TESMIN: variants seen among roughly 807,000 people sequenced by gnomAD.
TESMIN encodes the protein CXC domain containing 2.
Under a neutral mutation model 47.4 loss-of-function variants are expected in TESMIN, and 34 were observed. The observed-to-expected ratio is 0.72, with a 90% CI of 0.55 to 0.96. The LOEUF (loss-of-function observed/expected upper bound fraction) is 0.96, where lower values mean the gene tolerates loss of function less well. TESMIN is among the 40% of genes least tolerant of loss of function. The pLI is 0.00. For missense variants in TESMIN, 610 were observed against 637.2 expected (o/e 0.96, Z 0.46); for synonymous variants, 278 against 258.9 (o/e 1.07, Z -0.71).
intron 6 of TESMIN, among the ~76,000 whole-genome samples, chr11:68,716,494 C>T (rs991995949): frequency 3.3e-5 from 5 of 152,248 alleles, no homozygotes; most frequent in African/African-American, 1.2e-4. Flanking sequence ...CGGCTGCAGT[C>T]ACACCTCTTG....
chr11:68,750,151 T>TGGA (rs934467927), intron 2 of TESMIN, 39 bp downstream of exon 2: 4 of 1,403,940 alleles, frequency 2.8e-6, no homozygotes, highest in Non-Finnish European at 3.7e-6. Context: ...GGGGAAGGGA[T>TGGA]GGAGGGGGAG....
At position 68,738,690 on chromosome 11, in the gene TESMIN, T is replaced by C. The variant is rs1318054444; in HGVS notation, c.917+10A>G. On this transcript the variant is annotated intron_variant, in intron 6 of 9. Transcript: ENST00000255087. ...CATTAGAGTGACAATGTATTGCTTC[T>C]AATCCTTACCCAGCCAAAGTTATTT... 3 of 1,613,838 alleles carry C rather than the reference T, an allele frequency of 1.9e-6. No homozygotes were observed. In the South Asian group the frequency reaches 3.3e-5, roughly 18 times the overall value.
At chr11:68,710,450 T>C (rs181256547) in intron 9 of TESMIN, 1 of 162,496 alleles carries the variant, frequency 6.2e-6, no homozygotes, top group East Asian at 1.8e-4. Flanking sequence ...AGGAAAACAA[T>C]CTGGACCAAG....
chr11:68,709,682 T>C (rs1472005261), intron 9 of TESMIN, among the ~76,000 whole-genome samples: 5 of 152,314 alleles, frequency 3.3e-5, no homozygotes, highest in Non-Finnish European at 5.9e-5. Context: ...CAATACACGA[T>C]GACTTTGGTT....
At chr11:68,740,260 A>G (rs140034337) in intron 5 of TESMIN, among the ~76,000 whole-genome samples, 8 of 152,278 alleles carry the variant, frequency 5.3e-5, no homozygotes, top group South Asian at 2.1e-4. Context: ...TGGTCCATGG[A>G]CCACACTTTG....
In TESMIN at chr11:68,715,898, C is replaced by T. The variant is rs867168288; in HGVS notation, c.959G>A (p.Cys320Tyr). ...CFASGDFCNN[C>Y]NCNNCCNNLH... is the part of the protein sequence containing the mutation. The stretch of plus-strand genomic sequence containing the variant: ...GTTGTTGCAACAATTATTACAATTG[C>T]AGTTGTTGCAAAAGTCCCCACTGGC... The change falls in exon 7 of 10, where the codon TGC becomes TAC. Residue 320 changes from cysteine to tyrosine, a missense_variant. Transcript: ENST00000255087. 4 of 1,613,646 alleles carry T rather than the reference C, an allele frequency of 2.5e-6. No homozygotes were observed. The highest frequency in any genetic ancestry group is 3.3e-4 in the Middle Eastern group (2 of 6,060).
At chr11:68,735,451 G>T (rs546315582) in intron 6 of TESMIN, among the ~76,000 whole-genome samples, 1 of 152,214 alleles carries the variant, frequency 6.6e-6, no homozygotes, top group African/African-American at 2.4e-5. Flanking sequence ...ACAGAGTCAG[G>T]AGGAGGCCGG....
At chr11:68,739,010 T>C (rs1946425811) in intron 5 of TESMIN, among the ~76,000 whole-genome samples, 2 of 152,044 alleles carry the variant, frequency 1.3e-5, no homozygotes, top group South Asian at 2.1e-4. Flanking sequence ...CAAAGATGTC[T>C]GGAAGTGTGC....
intron 3 of TESMIN, 35 bp downstream of exon 3, chr11:68,747,173 A>G (rs1946531475): frequency 6.3e-7 from 1 of 1,597,832 alleles, no homozygotes; most frequent in Admixed American, 1.7e-5. Flanking sequence ...ATTTAGTATA[A>G]TGTTAGTCCT....
At chr11:68,730,639 G>C (rs1486298035) in intron 6 of TESMIN, among the ~76,000 whole-genome samples, 1 of 151,758 alleles carries the variant, frequency 6.6e-6, no homozygotes. Context: ...TATTAAAAAT[G>C]CAAAAATTAG....
chr11:68,734,595 C>A (rs1458649517), intron 6 of TESMIN, among the ~76,000 whole-genome samples: 1 of 152,194 alleles, frequency 6.6e-6, no homozygotes, highest in Non-Finnish European at 1.5e-5. Context: ...TGGGGGCATG[C>A]ATCTCTGTCA....
In TESMIN at chr11:68,750,419, G is replaced by A; in HGVS notation, c.242C>T (p.Ala81Val). 1 of 1,542,698 alleles carries A rather than the reference G, an allele frequency of 6.5e-7. No homozygotes were observed. Among genetic ancestry groups the A allele is most frequent in the Non-Finnish European group, 8.8e-7 (1 of 1,141,710 alleles). The change falls in exon 2 of 10, where the codon GCG becomes GTG. Residue 81 changes from alanine (A) to valine (V), a missense_variant. By Grantham distance (64) the Ala-to-Val change is moderately conservative (BLOSUM62 0). Coordinates refer to ENST00000255087, the MANE Select transcript of TESMIN (RefSeq NM_004923.3). ...GTCGCTGTCGCCCCCCGCGAGCTTC[G>A]CCTTGACCTGGCCCTTGCAGTCGGC... The part of the protein sequence containing the change: ...LGADCKGQVK[A>V]KLAGGDSDGG...
In TESMIN at chr11:68,747,360, T is replaced by C. The variant is rs1437509774; in HGVS notation, c.478A>G (p.Ile160Val). 3.1e-6 allele frequency: 5 copies of C among 1,611,414 alleles called. No individual in the cohort carries two copies. The African/African-American group carries it at 5.3e-5, about 17-fold the overall frequency. The change falls in exon 3 of 10, where the codon ATC (isoleucine) becomes GTC (valine). Residue 160 changes from isoleucine (I) to valine (V), a missense_variant. Coordinates refer to ENST00000255087, the MANE Select transcript of TESMIN (RefSeq NM_004923.3). ...GTAGTAGTACCACCTGCTTCCTTGA[T>C]TTCAACCTAGAAAAAAGCAATAATT... ...HPGVRMIPVEIKEAGGTTTSN... is the reference protein window; with the variant it reads ...HPGVRMIPVEVKEAGGTTTSN...
chr11:68,729,274 C>T (rs1283025728), intron 6 of TESMIN, among the ~76,000 whole-genome samples: 1 of 152,146 alleles, frequency 6.6e-6, no homozygotes, highest in Non-Finnish European at 1.5e-5. Flanking sequence ...GCCTGTAATC[C>T]CAGTACTTTG....
intron 6 of TESMIN, among the ~76,000 whole-genome samples, chr11:68,727,541 C>T (rs1047175046): frequency 6.6e-6 from 1 of 152,256 alleles, no homozygotes; most frequent in Non-Finnish European, 1.5e-5. Context: ...AGAGACCTCT[C>T]TCCATCCTAG....
In TESMIN at chr11:68,708,436, C is replaced by T; in HGVS notation, c.1399G>A (p.Gly467Arg). The part of the protein sequence containing the change: ...EATCACLLAQ[G>R]EEAEKEHCSK... The stretch of plus-strand genomic sequence containing the variant: ...CAGTGTTCTTTCTCGGCCTCTTCTC[C>T]CTGAGCAAGCAGGCAGGCGCATGTG... Residue 467 changes from glycine (G) to arginine (R), a missense_variant, in exon 10 of 10, where the codon GGA (glycine) becomes AGA (arginine). Physicochemically the swap from Gly to Arg is moderately radical, Grantham distance 125. Transcript: ENST00000255087. The T allele has an allele frequency of 1.9e-6, 3 of 1,614,188 alleles. No individual in the cohort carries two copies. Among genetic ancestry groups the T allele is most frequent in the Non-Finnish European group, 2.5e-6 (3 of 1,180,026 alleles).
intron 1 of TESMIN, among the ~76,000 whole-genome samples, chr11:68,751,164 CGGGGTGGGGG>C (rs1946602003): frequency 1.8e-5 from 1 of 55,500 alleles, no homozygotes; most frequent in African/African-American, 7.3e-5. Context: ...AGGGGCCGGC[CGGGGTGGGGG>C]TCAGGTGAGG....
At chr11:68,730,011 C>G (rs1566319228) in intron 6 of TESMIN, among the ~76,000 whole-genome samples, 1 of 152,192 alleles carries the variant, frequency 6.6e-6, no homozygotes, top group Non-Finnish European at 1.5e-5. Context: ...AGTCCTCCAC[C>G]ACCCTCAACA....
rs118189104 is a variant in TESMIN, at chr11:68,738,279, C to T, written c.917+421G>A. ...CGAGCCAACTCAGCATGGAAGGCAG[C>T]GGGCGGAGGCAGCTGGAGGGCACTC... is the stretch of plus-strand genomic sequence containing the variant. On this transcript the variant is annotated intron_variant, in intron 6 of 9. Coordinates refer to ENST00000255087, the MANE Select transcript of TESMIN (RefSeq NM_004923.3). 2.2e-5 allele frequency: 22 copies of T among 998,982 alleles called. No homozygotes were observed. The East Asian group carries it at 5.5e-4, about 25-fold the overall frequency. The allele number at this position is 998,982 out of a possible 1,614,324, so 61.9% of individuals were successfully genotyped here.
Sources: allele counts gnomAD v4.1 joint callset (sites outside exome capture counted in the v4.1 genomes callset), GRCh38; gene constraint gnomAD v4.1.1; transcripts MANE v1.5; gene names NCBI Gene and HGNC (gene_info 2026-07-23, HGNC 2026-07-21).